ATP8B4: variants seen among roughly 807,000 people sequenced by gnomAD.
ATP8B4 encodes the protein ATPase phospholipid transporting 8B4 (putative).
In ATP8B4, 133 loss-of-function variants were observed where a neutral mutation model predicts 145.6. The ratio of observed to expected loss-of-function variants is 0.91; its 90% CI spans 0.79 to 1.05. The LOEUF is 1.05. Ranked by LOEUF, ATP8B4 falls within the 50% of genes least tolerant of loss-of-function variation. The pLI, the probability that ATP8B4 is intolerant of heterozygous loss-of-function variation, is 0.00. For missense variants in ATP8B4, 1,458 were observed against 1,425.2 expected, an observed-to-expected ratio of 1.02 and a Z score of -0.37; for synonymous variants, 507 against 492.9, an observed-to-expected ratio of 1.03 and a Z score of -0.38.
intron 23 of ATP8B4, among the ~76,000 whole-genome samples, chr15:49,890,538 G>A (rs1305327876): frequency 6.6e-6 from 1 of 152,184 alleles, no homozygotes; most frequent in Non-Finnish European, 1.5e-5. Flanking sequence ...CATGGTGTTG[G>A]AGGCCAAAGC....
At chr15:49,932,681 G>T (rs1406778220) in intron 15 of ATP8B4, among the ~76,000 whole-genome samples, 2 of 152,070 alleles carry the variant, frequency 1.3e-5, no homozygotes, top group Non-Finnish European at 1.5e-5. Flanking sequence ...TGCCTTGAGG[G>T]TGTTTTCTGA....
chr15:49,916,857 A>C lies in ATP8B4; in HGVS notation c.2141+77T>G, dbSNP rs115554654. 1,952 of 1,345,530 alleles carry C rather than the reference A, an allele frequency of 1.5e-3. 27 individuals are homozygous for C. The African/African-American group carries it at 0.025, about 17-fold the overall frequency. The allele number at this position is 1,345,530 out of a possible 1,614,324, so 83.3% of individuals were successfully genotyped here. ...ACAGGAAACTATAGCATAGCTTTTC[A>C]CTTTCTCAACTCTCTGATCTTTTTT... On this transcript the variant is annotated intron_variant, in intron 20 of 27. Coordinates refer to ENST00000284509, the MANE Select transcript of ATP8B4 (RefSeq NM_024837.4).
chr15:50,026,142 T>C (rs1455603388), intron 6 of ATP8B4, among the ~76,000 whole-genome samples: 1 of 152,234 alleles, frequency 6.6e-6, no homozygotes, highest in Non-Finnish European at 1.5e-5. Flanking sequence ...CTACTATTAC[T>C]ATCAAATCCA....
At chr15:49,981,184 A>G (rs1319536003) in intron 11 of ATP8B4, 22 bp downstream of exon 11, 11 of 1,492,902 alleles carry the variant, frequency 7.4e-6, no homozygotes, top group Non-Finnish European at 1.0e-5. Context: ...GACTAGTGAT[A>G]TTGCCTAGTT....
At chr15:50,133,710 T>C (rs560226248) in intron 1 of ATP8B4, among the ~76,000 whole-genome samples, 2 of 152,178 alleles carry the variant, frequency 1.3e-5, no homozygotes, top group Admixed American at 6.5e-5. Flanking sequence ...TGGTCAAAAT[T>C]TATGAACTTT....
intron 2 of ATP8B4, among the ~76,000 whole-genome samples, chr15:50,084,719 G>C (rs77016042): frequency 0.042 from 6,325 of 152,210 alleles, 196 homozygotes; most frequent in African/African-American, 0.086. Context: ...AGAGATCCTA[G>C]GGAAGAATGT....
In ATP8B4 at chr15:49,860,250, T is replaced by C. The variant is rs147231843; in HGVS notation, c.3523A>G (p.Lys1175Glu). 1.0e-4 allele frequency: 161 copies of C among 1,614,196 alleles called. 1 individual carries two copies. Among genetic ancestry groups the C allele is most frequent in the Admixed American group, 1.2e-4 (7 of 60,026 alleles). ...CTGCTCACGGTGTCTGTGGTTTTCT[T>C]ACATAAATTTTCAATCCAGCTAGTG... is the stretch of plus-strand genomic sequence containing the variant. ...NSTSWIENLC[K>E]KTTDTVSSFS... The change falls in exon 28 of 28, where the codon AAG becomes GAG. Residue 1175 changes from lysine (K) to glutamate (E), a missense_variant. Transcript: ENST00000284509.
intron 1 of ATP8B4, among the ~76,000 whole-genome samples, chr15:50,159,522 A>T (rs932381566): frequency 6.6e-6 from 1 of 152,208 alleles, no homozygotes; most frequent in African/African-American, 2.4e-5. Context: ...TACTTCCAGT[A>T]CTATGTTGAA....
At chr15:49,912,654 T>C (rs139974264) in intron 20 of ATP8B4, among the ~76,000 whole-genome samples, 1 of 152,276 alleles carries the variant, frequency 6.6e-6, no homozygotes, top group African/African-American at 2.4e-5. Context: ...AAGGGAATTC[T>C]CCCTAACTTG....
intron 3 of ATP8B4, among the ~76,000 whole-genome samples, chr15:50,059,668 T>C (rs1434254684): frequency 2.6e-5 from 4 of 152,188 alleles, no homozygotes; most frequent in Non-Finnish European, 4.4e-5. Context: ...ATTCACTCCA[T>C]CTGGCATAAG....
chr15:49,969,841 A>G (rs2044924620), intron 13 of ATP8B4, among the ~76,000 whole-genome samples: 1 of 152,232 alleles, frequency 6.6e-6, no homozygotes, highest in Admixed American at 6.5e-5. Context: ...TCAGACCAAT[A>G]TCCCTGATGA....
intron 23 of ATP8B4, chr15:49,896,025 AACAGACTAGGAAGCC>A (rs2037358150): frequency 6.6e-6 from 1 of 152,226 alleles, no homozygotes. Flanking sequence ...AAGGAAAATC[AACAGACTAGGAAGCC>A]ACAGGCCACA....
chr15:50,072,567 C>T (rs1286055816), intron 3 of ATP8B4, among the ~76,000 whole-genome samples: 1 of 152,010 alleles, frequency 6.6e-6, no homozygotes, highest in East Asian at 1.9e-4. Context: ...GCCTAAAGCC[C>T]ACACATGTAA....
intron 6 of ATP8B4, among the ~76,000 whole-genome samples, chr15:50,011,321 G>T (rs1229318818): frequency 1.3e-5 from 2 of 152,180 alleles, no homozygotes; most frequent in African/African-American, 4.8e-5. Flanking sequence ...AAAAGCAAAG[G>T]AGACAGTGGC....
At chr15:49,944,259 A>G (rs2042389515) in intron 14 of ATP8B4, among the ~76,000 whole-genome samples, 1 of 152,184 alleles carries the variant, frequency 6.6e-6, no homozygotes, top group Admixed American at 6.5e-5. Flanking sequence ...TCACCAATTA[A>G]AAGATATAAA....
At position 49,934,144 on chromosome 15, in the gene ATP8B4, C is replaced by A. The variant is rs114314451; in HGVS notation, c.1326G>T (p.Ala442=). The A allele has an allele frequency of 5.0e-6, 8 of 1,611,914 alleles. No individual in the cohort carries two copies. The Admixed American group carries it at 1.3e-4, about 27-fold the overall frequency. Residue 442 remains alanine (A), a synonymous_variant, in exon 15 of 28, where the codon GCG becomes GCT. Transcript: ENST00000284509. The stretch of plus-strand genomic sequence containing the variant: ...GGTCAAAGAACTGAAATTCTCTATC[C>A]GCTTGAGATTTGACTGAGAAATCCA... The part of the protein sequence containing the change: ...EPVDFSVKSQ[A]DREFQFFDHH...
chr15:50,105,144 G>T (rs113525828), intron 2 of ATP8B4, among the ~76,000 whole-genome samples: 3,797 of 151,510 alleles, frequency 0.025, 161 homozygotes, highest in African/African-American at 0.089. Flanking sequence ...TACAAATTGG[G>T]AACAGTGTAT....
At chr15:49,989,632 G>A (rs1215495164) in intron 9 of ATP8B4, among the ~76,000 whole-genome samples, 1 of 151,808 alleles carries the variant, frequency 6.6e-6, no homozygotes, top group Non-Finnish European at 1.5e-5. Context: ...AAGGCCAAGG[G>A]GTACTGCCTG....
Position 49,901,239 on chromosome 15 carries a change from C to T in ATP8B4, c.2142G>A (p.Arg714=), listed in dbSNP as rs926314880. 1.6e-5 allele frequency: 26 copies of T among 1,612,416 alleles called. No individual in the cohort carries two copies. The Admixed American group carries it at 3.8e-4, about 24-fold the overall frequency. Residue 714 remains arginine (R), a splice_region_variant and synonymous_variant, in exon 21 of 28, where the codon AGG becomes AGA. Coordinates refer to ENST00000284509, the MANE Select transcript of ATP8B4 (RefSeq NM_024837.4). The part of the protein sequence containing the change: ...NNAVEVREEL[R]KAKQNLFGQN... ...GTCCAAACAAATTTTGTTTTGCTTT[C>T]CTTAAAGGAGAGGGTGAAAAGTGAA...
Sources: allele counts gnomAD v4.1 joint callset (sites outside exome capture counted in the v4.1 genomes callset), GRCh38; gene constraint gnomAD v4.1.1; transcripts MANE v1.5; gene names NCBI Gene and HGNC (gene_info 2026-07-23, HGNC 2026-07-21).